Variants in IQGAP2 observed in about 807,000 individuals in gnomAD.
The protein encoded by IQGAP2 is IQ motif containing GTPase activating protein 2.
IQGAP2 carries 173 observed loss-of-function variants against 201.3 expected under a neutral mutation model. The observed-to-expected ratio is 0.86, with a 90% CI of 0.76 to 0.98. IQGAP2 has a LOEUF of 0.98. IQGAP2 is among the 50% of genes least tolerant of loss of function. The probability of loss-of-function intolerance (pLI) is 0.00; values close to 1 mark genes in which losing one functional copy is unlikely to be tolerated. For synonymous variants in IQGAP2, 675 were observed against 673.9 expected (o/e 1.00, Z -0.03); for missense variants, 1,687 against 1,864.8 (o/e 0.90, Z 1.76).
Position 76,562,378 on chromosome 5 carries a change from T to A in IQGAP2, c.147-18T>A. ...CCCAACTGGAATCACTTTAATATTT[T>A]TTTTTTAATCTCTTTAGGTGGATGG... On this transcript the variant is annotated intron_variant, in intron 2 of 35. Transcript: ENST00000274364. The A allele has an allele frequency of 1.3e-6, 2 of 1,579,048 alleles. No individual in the cohort carries two copies. Among genetic ancestry groups the A allele is most frequent in the East Asian group, 4.5e-5 (2 of 44,404 alleles).
chr5:76,408,424 C>T (rs1323555410), intron 1 of IQGAP2, among the ~76,000 whole-genome samples: 1 of 152,184 alleles, frequency 6.6e-6, no homozygotes, highest in Non-Finnish European at 1.5e-5. Context: ...GCTGAAACCC[C>T]TAGTACTATG....
intron 2 of IQGAP2, among the ~76,000 whole-genome samples, chr5:76,517,060 A>G (rs1182435217): frequency 6.6e-6 from 1 of 152,202 alleles, no homozygotes; most frequent in Non-Finnish European, 1.5e-5. Context: ...AAAGAAAACC[A>G]GGAGCCAGAG....
In IQGAP2 at chr5:76,588,922, C is replaced by T. The variant is rs755382504; in HGVS notation, c.475C>T (p.Leu159=). ...IHALSLYLFK[L]GIAPQIQDLL... is the part of the protein sequence containing the mutation. ...TTCTTTCAGTTTGTATCTGTTCAAA[C>T]TAGGAATAGCACCCCAGATCCAGGA... Residue 159 remains leucine (L), a synonymous_variant, in exon 6 of 36, where the codon CTA becomes TTA. Transcript: ENST00000274364. 17 of 1,605,448 alleles carry T rather than the reference C, an allele frequency of 1.1e-5. No individual in the cohort carries two copies. The highest frequency in any genetic ancestry group is 6.0e-6 in the Non-Finnish European group (7 of 1,173,206).
chr5:76,469,320 G>C (rs1374578803), intron 2 of IQGAP2, among the ~76,000 whole-genome samples: 1 of 152,112 alleles, frequency 6.6e-6, no homozygotes, highest in Non-Finnish European at 1.5e-5. Flanking sequence ...GTATTAGGAG[G>C]ACTTAAGGCT....
intron 2 of IQGAP2, among the ~76,000 whole-genome samples, chr5:76,557,373 A>G (rs941700800): frequency 6.6e-6 from 1 of 152,228 alleles, no homozygotes; most frequent in Middle Eastern, 3.2e-3. Flanking sequence ...CATCATGAGA[A>G]GATTCCATGA....
chr5:76,674,733 A>G (rs375205118), intron 27 of IQGAP2, 24 bp downstream of exon 27: 133 of 1,509,566 alleles, frequency 8.8e-5, no homozygotes, highest in Admixed American at 2.5e-4. Flanking sequence ...TTAGTTTTGG[A>G]GAAACGTGCA....
In IQGAP2 at chr5:76,627,499, A is replaced by G. The variant is rs376719498; in HGVS notation, c.1611A>G (p.Gln537=). ...ACGTGGACAAGGACAGAGCAAAACA[A>G]TGTAAGCCCTCACCTCCTTTGCTCT... The part of the protein sequence containing the change: ...DANVDKDRAK[Q]WVTLVVDVNQ... The change falls in exon 14 of 36, where the codon CAA becomes CAG. Residue 537 remains glutamine, a splice_region_variant and synonymous_variant. Coordinates refer to ENST00000274364, the MANE Select transcript of IQGAP2 (RefSeq NM_006633.5). 4.0e-6 allele frequency: 6 copies of G among 1,510,224 alleles called. No individual in the cohort carries two copies. Among genetic ancestry groups the G allele is most frequent in the Middle Eastern group, 3.4e-4 (2 of 5,910 alleles). The allele number at this position is 1,510,224 out of a possible 1,614,324, so 93.6% of individuals were successfully genotyped here. A position where few individuals can be genotyped will look rare whatever the true frequency, so the allele number is the denominator to read the frequency against.
intron 5 of IQGAP2, among the ~76,000 whole-genome samples, chr5:76,583,207 C>T (rs1162572380): frequency 6.6e-6 from 1 of 152,020 alleles, no homozygotes; most frequent in Non-Finnish European, 1.5e-5. Flanking sequence ...ACTTGATTTC[C>T]TATATACTTC....
At chr5:76,515,045 A>G (rs1439413853) in intron 2 of IQGAP2, among the ~76,000 whole-genome samples, 2 of 152,216 alleles carry the variant, frequency 1.3e-5, no homozygotes, top group Non-Finnish European at 2.9e-5. Flanking sequence ...TCACTGGCAT[A>G]TTATATTTGG....
chr5:76,453,005 G>C (rs191834589), intron 1 of IQGAP2, among the ~76,000 whole-genome samples: 1 of 149,272 alleles, frequency 6.7e-6, no homozygotes, highest in African/African-American at 2.5e-5. Flanking sequence ...CCGCCTCCCA[G>C]GTCCCAGTTA....
chr5:76,505,020 G>T (rs575092447), intron 2 of IQGAP2, among the ~76,000 whole-genome samples: 1 of 152,196 alleles, frequency 6.6e-6, no homozygotes, highest in Non-Finnish European at 1.5e-5. Context: ...CTGATTTCAT[G>T]TTCAAAGGTC....
At chr5:76,639,991 A>G (rs184310012) in intron 16 of IQGAP2, among the ~76,000 whole-genome samples, 75 of 152,352 alleles carry the variant, frequency 4.9e-4, no homozygotes, top group African/African-American at 1.7e-3. Context: ...TAGAATAAAA[A>G]TTGATCATGT....
chr5:76,440,508 A>T (rs1027826280), intron 1 of IQGAP2, among the ~76,000 whole-genome samples: 1 of 152,232 alleles, frequency 6.6e-6, no homozygotes, highest in African/African-American at 2.4e-5. Context: ...TAGAGCTTCT[A>T]GGGACTATTT....
At chr5:76,609,667 TAGATTAA>T (rs1436449845) in intron 12 of IQGAP2, among the ~76,000 whole-genome samples, 1 of 152,200 alleles carries the variant, frequency 6.6e-6, no homozygotes, top group East Asian at 1.9e-4. Context: ...GTGATCATTT[TAGATTAA>T]ATCTAATGGA....
intron 18 of IQGAP2, 22 bp from the exon 19 acceptor site, chr5:76,654,178 T>C: frequency 6.4e-7 from 1 of 1,554,248 alleles, no homozygotes; most frequent in South Asian, 1.2e-5. Flanking sequence ...GTTGTACTTT[T>C]CTATTTTTTA....
Position 76,562,541 on chromosome 5 carries a change from A to G in IQGAP2, c.292A>G (p.Thr98Ala). The G allele has an allele frequency of 6.2e-7, 1 of 1,613,732 alleles. No homozygotes were observed. The highest frequency in any genetic ancestry group is 8.5e-7 in the Non-Finnish European group (1 of 1,179,866). The stretch of plus-strand genomic sequence containing the variant: ...GAAAAAGATCTATGATGTGGAACAA[A>G]CACGTTATAAGGTAACCAAGATCTA... ...SEKKIYDVEQ[T>A]RYKKSGLHFR... is the part of the protein sequence containing the mutation. Residue 98 changes from threonine (T) to alanine (A), a missense_variant, in exon 3 of 36, where the codon ACA becomes GCA. Physicochemically the swap from Thr to Ala is moderately conservative, Grantham distance 58. Coordinates refer to ENST00000274364, the MANE Select transcript of IQGAP2 (RefSeq NM_006633.5).
chr5:76,434,318 A>G (rs1217589135), intron 1 of IQGAP2, among the ~76,000 whole-genome samples: 1 of 152,114 alleles, frequency 6.6e-6, no homozygotes, highest in Non-Finnish European at 1.5e-5. Context: ...TGCCCGATAC[A>G]TAGTTTTATA....
chr5:76,570,530 C>T (rs2150270378), intron 3 of IQGAP2, 50 bp from the exon 4 acceptor site: 1 of 1,309,236 alleles, frequency 7.6e-7, no homozygotes, highest in East Asian at 2.3e-5. Context: ...AAATGACTCA[C>T]TTTTTGTGTG....
At chr5:76,509,367 TTGCC>T (rs1757814663) in intron 2 of IQGAP2, among the ~76,000 whole-genome samples, 1 of 152,060 alleles carries the variant, frequency 6.6e-6, no homozygotes, top group Non-Finnish European at 1.5e-5. Flanking sequence ...TTTATAGTAC[TTGCC>T]AATTTGTTTT....
Sources: allele counts gnomAD v4.1 joint callset (sites outside exome capture counted in the v4.1 genomes callset), GRCh38; gene constraint gnomAD v4.1.1; transcripts MANE v1.5; gene names NCBI Gene and HGNC (gene_info 2026-07-23, HGNC 2026-07-21).